The following ZFAND3 variants were observed in gnomAD, a reference collection of about 807,000 sequenced individuals.
ZFAND3 encodes the protein zinc finger AN1-type containing 3.
A neutral mutation model predicts 29.6 loss-of-function variants in ZFAND3; 10 were observed. The observed-to-expected ratio is 0.34, with a 90% CI of 0.21 to 0.57. The LOEUF (loss-of-function observed/expected upper bound fraction) is 0.57. Among genes scored for constraint, ZFAND3 ranks in the 20% least tolerant of loss-of-function variants. ZFAND3 has a pLI of 0.86. For missense variants in ZFAND3, 230 were observed against 304.5 expected (o/e 0.76, Z 1.82); for synonymous variants, 128 against 112.6 (o/e 1.14, Z -0.87).
At chr6:37,896,666 T>TTG (rs201522673) in intron 1 of ZFAND3, among the ~76,000 whole-genome samples, 10,103 of 139,038 alleles carry the variant, frequency 0.073, 426 homozygotes, top group Non-Finnish European at 0.11. Flanking sequence ...GCCTTCTGTT[T>TTG]TGTGTGTGTG....
intron 2 of ZFAND3, among the ~76,000 whole-genome samples, chr6:37,952,512 C>G (rs771446286): frequency 6.6e-6 from 1 of 152,068 alleles, no homozygotes; most frequent in African/African-American, 2.4e-5. Context: ...ATAATAGTCT[C>G]TGATAATTTT....
At position 37,937,677 on chromosome 6, in the gene ZFAND3, A is replaced by C. The variant is rs1221144954; in HGVS notation, c.112+7678A>C. On this transcript the variant is annotated intron_variant, in intron 2 of 5. Transcript: ENST00000287218. The stretch of plus-strand genomic sequence containing the variant: ...TCAAAAAAAAAAAAAAAAAAAAGGC[A>C]AAAAAAGTAACTGCTGCTCTTAAGA... Among the ~76,000 whole-genome samples the C allele has an allele frequency of 3.1e-5, 4 of 130,820 alleles. No homozygotes were observed. The East Asian group carries it at 6.9e-4, about 22-fold the overall frequency. 85.8% of individuals were successfully genotyped at this position (130,820 alleles called of 152,430 possible). A position where few individuals can be genotyped will look rare whatever the true frequency, so the allele number is the denominator to read the frequency against.
At chr6:38,107,820 A>G (rs923100478) in intron 4 of ZFAND3, among the ~76,000 whole-genome samples, 4 of 152,176 alleles carry the variant, frequency 2.6e-5, no homozygotes, top group African/African-American at 9.7e-5. Flanking sequence ...ATGAATAAAT[A>G]ACCACCTGCT....
chr6:37,857,557 T>A (rs1286542262), intron 1 of ZFAND3, among the ~76,000 whole-genome samples: 2 of 152,236 alleles, frequency 1.3e-5, no homozygotes, highest in East Asian at 3.8e-4. Context: ...AAAAATTCAT[T>A]GAAATGATGT....
chr6:37,883,548 C>CCTT (rs1287608473), intron 1 of ZFAND3, among the ~76,000 whole-genome samples: 1 of 100,570 alleles, frequency 9.9e-6, no homozygotes, highest in Non-Finnish European at 2.0e-5. Flanking sequence ...TTCTTTCTTT[C>CCTT]TTTTTTTTTT....
At chr6:37,875,128 G>GTA (rs1411191000) in intron 1 of ZFAND3, among the ~76,000 whole-genome samples, 1 of 152,172 alleles carries the variant, frequency 6.6e-6, no homozygotes. Flanking sequence ...ATGTACCTGA[G>GTA]TATAGGATTA....
chr6:38,056,351 A>G (rs1329537996), intron 2 of ZFAND3, among the ~76,000 whole-genome samples: 3 of 152,376 alleles, frequency 2.0e-5, no homozygotes, highest in East Asian at 1.9e-4. Flanking sequence ...TTTGTTTTCA[A>G]TGAGAGAAAA....
At chr6:37,959,451 A>AT (rs894091656) in intron 2 of ZFAND3, among the ~76,000 whole-genome samples, 4 of 151,950 alleles carry the variant, frequency 2.6e-5, no homozygotes, top group African/African-American at 7.3e-5. Context: ...TTTTCACTTA[A>AT]TTTTTTTTAG....
chr6:38,146,095 A>G (rs1037770794), intron 5 of ZFAND3, among the ~76,000 whole-genome samples: 6 of 152,190 alleles, frequency 3.9e-5, no homozygotes, highest in African/African-American at 1.4e-4. Context: ...CCGGGATGAC[A>G]GCCTTCGGTG....
At chr6:37,845,305 A>G (rs1033298732) in intron 1 of ZFAND3, among the ~76,000 whole-genome samples, 4 of 152,158 alleles carry the variant, frequency 2.6e-5, no homozygotes, top group Admixed American at 2.6e-4. Context: ...ATAATGTGTT[A>G]TATACACCCT....
intron 2 of ZFAND3, among the ~76,000 whole-genome samples, chr6:37,968,919 T>C (rs1422733813): frequency 6.6e-6 from 1 of 152,202 alleles, no homozygotes; most frequent in Non-Finnish European, 1.5e-5. Context: ...AAAGATATAT[T>C]TCAGTGCAGT....
At chr6:38,075,782 C>T (rs982008378) in intron 3 of ZFAND3, among the ~76,000 whole-genome samples, 25 of 151,846 alleles carry the variant, frequency 1.6e-4, no homozygotes, top group African/African-American at 4.8e-4. Context: ...GACAGAGCCT[C>T]GCTCTGTCGC....
intron 2 of ZFAND3, among the ~76,000 whole-genome samples, chr6:37,977,833 TTCCTTCCTTC>T (rs1762510958): frequency 2.2e-5 from 3 of 135,584 alleles, no homozygotes; most frequent in African/African-American, 5.5e-5. Context: ...ATGCTTTTCC[TTCCTTCCTTC>T]CTTCCTTCCT....
chr6:38,153,808 T>C lies in ZFAND3; in HGVS notation c.*1419T>C. On this transcript the variant is annotated 3_prime_UTR_variant, in exon 6 of 6. Transcript: ENST00000287218. ...CAGTCCCAGTGGTCCTAGTGCCGCATCAGATCCAGGTGGGTGAGGGCAGGA... is the reference window on the plus strand; with the variant it reads ...CAGTCCCAGTGGTCCTAGTGCCGCACCAGATCCAGGTGGGTGAGGGCAGGA... The C allele has an allele frequency of 4.1e-6, 4 of 985,484 alleles. No homozygotes were observed. The highest frequency in any genetic ancestry group is 4.8e-6 in the Non-Finnish European group (4 of 829,984). 61.0% of individuals were successfully genotyped at this position (985,484 alleles called of 1,614,324 possible).
intron 1 of ZFAND3, among the ~76,000 whole-genome samples, chr6:37,839,906 G>T (rs925495563): frequency 2.6e-5 from 4 of 152,108 alleles, no homozygotes; most frequent in Non-Finnish European, 2.9e-5. Context: ...GTGGTTTCAC[G>T]TTTTTTGGGG....
chr6:37,976,584 CAAAAAAAAAAA>C (rs35783371), intron 2 of ZFAND3, among the ~76,000 whole-genome samples: 3 of 76,908 alleles, frequency 3.9e-5, no homozygotes, highest in Non-Finnish European at 7.2e-5. Flanking sequence ...ACACTGTCTC[CAAAAAAAAAAA>C]AAAAAAAAAA....
At chr6:37,888,383 A>T (rs552764146) in intron 1 of ZFAND3, among the ~76,000 whole-genome samples, 1 of 152,282 alleles carries the variant, frequency 6.6e-6, no homozygotes, top group East Asian at 1.9e-4. Flanking sequence ...TCTAAAGAGA[A>T]TTAACATCTG....
intron 1 of ZFAND3, among the ~76,000 whole-genome samples, chr6:37,827,366 C>A (rs963083591): frequency 6.6e-6 from 1 of 152,256 alleles, no homozygotes; most frequent in East Asian, 1.9e-4. Flanking sequence ...CAATCAGTTT[C>A]TTTTTGGTTC....
At chr6:38,053,944 A>AT (rs879692598) in intron 2 of ZFAND3, among the ~76,000 whole-genome samples, 205 of 147,060 alleles carry the variant, frequency 1.4e-3, no homozygotes, top group East Asian at 4.2e-3. Context: ...GACAAGGTCT[A>AT]TTTTTTTTTT....
Sources: allele counts gnomAD v4.1 joint callset (sites outside exome capture counted in the v4.1 genomes callset), GRCh38; gene constraint gnomAD v4.1.1; transcripts MANE v1.5; gene names NCBI Gene and HGNC (gene_info 2026-07-23, HGNC 2026-07-21).